The following LEKR1 variants were observed in gnomAD, a reference collection of about 807,000 sequenced individuals.
LEKR1 encodes the protein leucine, glutamate and lysine rich 1, also known as protein LEKR1.
LEKR1 carries 59 observed loss-of-function variants against 72.4 expected under a neutral mutation model. The observed-to-expected ratio is 0.82, with a 90% CI of 0.66 to 1.01. The LOEUF is 1.01. Among genes scored for constraint, LEKR1 ranks in the 50% least tolerant of loss-of-function variants. LEKR1 has a pLI of 0.00. For missense variants in LEKR1, 728 were observed against 759.2 expected (o/e 0.96, Z 0.48); for synonymous variants, 257 against 263.2 (o/e 0.98, Z 0.23).
At chr3:157,014,063 A>T (rs951903332) in intron 10 of LEKR1, among the ~76,000 whole-genome samples, 1 of 152,106 alleles carries the variant, frequency 6.6e-6, no homozygotes, top group African/African-American at 2.4e-5. Flanking sequence ...ACTTGAAGAA[A>T]GCAAATTAAT....
At chr3:156,872,828 T>G (rs1219572895) in intron 3 of LEKR1, among the ~76,000 whole-genome samples, 1 of 152,050 alleles carries the variant, frequency 6.6e-6, no homozygotes, top group Non-Finnish European at 1.5e-5. Context: ...TTTTGATTTT[T>G]AAAAATTTAT....
intron 10 of LEKR1, among the ~76,000 whole-genome samples, chr3:157,012,077 C>T (rs929557637): frequency 1.3e-5 from 2 of 151,994 alleles, no homozygotes; most frequent in Admixed American, 1.3e-4. Context: ...ATAGGTATTA[C>T]TTTCATAATT....
chr3:156,946,332 T>C (rs1726673335), intron 6 of LEKR1, among the ~76,000 whole-genome samples: 1 of 151,546 alleles, frequency 6.6e-6, no homozygotes, highest in Non-Finnish European at 1.5e-5. Flanking sequence ...TCAGTTCTAA[T>C]AGTTTTTATG....
At chr3:157,014,634 G>A (rs1041348997) in intron 10 of LEKR1, among the ~76,000 whole-genome samples, 5 of 151,988 alleles carry the variant, frequency 3.3e-5, no homozygotes, top group Admixed American at 2.6e-4. Flanking sequence ...ATGGCTAAAA[G>A]GAATATTGAG....
At chr3:157,023,103 A>G (rs960794249) in intron 10 of LEKR1, among the ~76,000 whole-genome samples, 2 of 151,906 alleles carry the variant, frequency 1.3e-5, no homozygotes, top group Non-Finnish European at 2.9e-5. Flanking sequence ...CTCTTGAGAA[A>G]TTTAGGTTGA....
At chr3:156,874,762 C>T (rs2108548356) in intron 3 of LEKR1, among the ~76,000 whole-genome samples, 1 of 152,250 alleles carries the variant, frequency 6.6e-6, no homozygotes, top group African/African-American at 2.4e-5. Context: ...GCTTAACTCC[C>T]ACTTGTAAGT....
intron 6 of LEKR1, among the ~76,000 whole-genome samples, chr3:156,976,038 ATC>A (rs1729659639): frequency 6.6e-6 from 1 of 152,104 alleles, no homozygotes; most frequent in East Asian, 1.9e-4. Flanking sequence ...AGGTGGCTTA[ATC>A]TCTCTGCAGC....
At chr3:156,999,262 A>C (rs1731828715) in intron 9 of LEKR1, among the ~76,000 whole-genome samples, 1 of 152,168 alleles carries the variant, frequency 6.6e-6, no homozygotes, top group African/African-American at 2.4e-5. Context: ...CACTCACTTC[A>C]GAAAAGTATA....
chr3:157,025,185 A>G (rs1734099059), intron 11 of LEKR1, among the ~76,000 whole-genome samples: 1 of 152,224 alleles, frequency 6.6e-6, no homozygotes, highest in Non-Finnish European at 1.5e-5. Context: ...CATAAATTAT[A>G]TGACTAAAAA....
chr3:157,042,098 T>C (rs570694095), intron 12 of LEKR1, among the ~76,000 whole-genome samples: 4 of 152,344 alleles, frequency 2.6e-5, no homozygotes, highest in African/African-American at 9.6e-5. Context: ...AACAGAGTTA[T>C]AATCTCAATT....
chr3:156,896,871 A>G (rs560020707), intron 3 of LEKR1, among the ~76,000 whole-genome samples: 1 of 152,340 alleles, frequency 6.6e-6, no homozygotes, highest in Admixed American at 6.5e-5. Context: ...ACAGCCATAA[A>G]AAAGAACACA....
intron 3 of LEKR1, among the ~76,000 whole-genome samples, chr3:156,891,937 G>A (rs1053042004): frequency 6.6e-6 from 1 of 152,028 alleles, no homozygotes; most frequent in Non-Finnish European, 1.5e-5. Flanking sequence ...GACTGTACTC[G>A]TGGCATGAAA....
At chr3:157,023,066 G>C (rs1038585858) in intron 10 of LEKR1, among the ~76,000 whole-genome samples, 3 of 151,820 alleles carry the variant, frequency 2.0e-5, no homozygotes, top group Non-Finnish European at 4.4e-5. Context: ...AGCAATATTT[G>C]TGTCCTTGTA....
chr3:157,015,496 C>A (rs1733239494), intron 10 of LEKR1, among the ~76,000 whole-genome samples: 1 of 152,016 alleles, frequency 6.6e-6, no homozygotes, highest in Non-Finnish European at 1.5e-5. Context: ...GAATACTTAG[C>A]CCTAGATGAA....
chr3:156,953,436 AGATCTCATC>A (rs1727345144), intron 6 of LEKR1, among the ~76,000 whole-genome samples: 2 of 151,628 alleles, frequency 1.3e-5, no homozygotes, highest in African/African-American at 4.8e-5. Flanking sequence ...TTTGCTTCAC[AGATCTCATC>A]CTATCACCTA....
At chr3:156,897,575 A>G (rs1338224569) in intron 3 of LEKR1, among the ~76,000 whole-genome samples, 2 of 152,182 alleles carry the variant, frequency 1.3e-5, no homozygotes, top group African/African-American at 4.8e-5. Flanking sequence ...GGTAAATTTA[A>G]ACATTTCCTG....
chr3:156,914,284 G>C (rs1317024816), intron 3 of LEKR1, among the ~76,000 whole-genome samples: 3 of 151,250 alleles, frequency 2.0e-5, no homozygotes, highest in African/African-American at 7.4e-5. Flanking sequence ...ATCTACGTTA[G>C]GTATTTCTCC....
chr3:156,989,791 CCTT>C (rs1189690811), intron 7 of LEKR1, among the ~76,000 whole-genome samples: 1 of 151,956 alleles, frequency 6.6e-6, no homozygotes, highest in Non-Finnish European at 1.5e-5. Flanking sequence ...TCTTTACCCT[CCTT>C]CTCTTCCTCC....
chr3:157,028,534 T>A, intron 12 of LEKR1, 132 bp downstream of exon 12: 1 of 735,384 alleles, frequency 1.4e-6, no homozygotes, highest in Non-Finnish European at 2.2e-6. Context: ...CTAAATCACA[T>A]CCTGGTGCTC....
Sources: gnomAD v4.1 joint callset for allele counts (sites outside exome capture counted in the v4.1 genomes callset) on GRCh38, gnomAD v4.1.1 for gene constraint, MANE v1.5 for transcripts, NCBI Gene and HGNC (gene_info 2026-07-23, HGNC 2026-07-21) for gene names.